The following IL16 variants were observed in gnomAD, a reference collection of about 807,000 sequenced individuals.
The protein encoded by IL16 is pro-interleukin-16.
A neutral mutation model predicts 110.1 loss-of-function variants in IL16; 67 were observed. The ratio of observed to expected loss-of-function variants is 0.61; its 90% confidence interval spans 0.50 to 0.75. The LOEUF (loss-of-function observed/expected upper bound fraction) is 0.75. Ranked by LOEUF, IL16 falls within the 30% of genes least tolerant of loss-of-function variation. IL16 has a pLI of 0.00. For synonymous variants in IL16, 689 were observed against 662.9 expected (o/e 1.04, Z -0.61); for missense variants, 1,545 against 1,655.0 (o/e 0.93, Z 1.15).
At chr15:81,274,613 C>T (rs1030730173) in intron 6 of IL16, among the ~76,000 whole-genome samples, 1 of 152,202 alleles carries the variant, frequency 6.6e-6, no homozygotes, top group Non-Finnish European at 1.5e-5. Context: ...GTATTTATAT[C>T]TGAGTTGCTT....
upstream of IL16, among the ~76,000 whole-genome samples, chr15:81,194,394 T>A (rs184717503): frequency 5.4e-3 from 816 of 152,104 alleles, 10 homozygotes; most frequent in African/African-American, 0.019. Flanking sequence ...CTTTTATAAC[T>A]AAAATTTTGA....
intron 2 of IL16, among the ~76,000 whole-genome samples, chr15:81,243,495 A>G (rs1454771969): frequency 6.6e-6 from 1 of 151,890 alleles, no homozygotes; most frequent in African/African-American, 2.4e-5. Flanking sequence ...ATGCATCTAT[A>G]TTTATGAAGA....
intron 1 of IL16, among the ~76,000 whole-genome samples, chr15:81,206,430 G>C: frequency 6.6e-6 from 1 of 152,186 alleles, no homozygotes; most frequent in Non-Finnish European, 1.5e-5. Flanking sequence ...TATCATATAA[G>C]CAGTTCTTTG....
chr15:81,263,346 A>ATTTTTTTTGTTTTTTTTTTTT (rs1567024238), intron 3 of IL16, among the ~76,000 whole-genome samples: 1 of 109,792 alleles, frequency 9.1e-6, no homozygotes, highest in Non-Finnish European at 1.8e-5. Flanking sequence ...TTCAAAAACT[A>ATTTTTTTTGTTTTTTTTTTTT]TTTTTTTTTG....
At chr15:81,195,210 A>G (rs145418007), upstream of IL16, among the ~76,000 whole-genome samples, 994 of 152,314 alleles carry the variant, frequency 6.5e-3, 5 homozygotes, top group Non-Finnish European at 0.011. Flanking sequence ...TCAGGTGCCG[A>G]TGACAAGAGA....
rs765187591 is a variant in IL16, at chr15:81,292,696, C to T, written c.1561C>T (p.Pro521Ser). The change falls in exon 12 of 19, where the codon CCA (proline) becomes TCA (serine). Residue 521 changes from proline (P) to serine (S), a missense_variant. Transcript: ENST00000683961. ...SSDSSYMSGS[P>S]GGSPGSGSAE... is the part of the protein sequence containing the mutation. ...TGACAGCAGCTACATGTCTGGGTCC[C>T]CAGGGGGAAGTCCTGGGAGTGGCAG... The T allele has an allele frequency of 3.1e-6, 5 of 1,614,140 alleles. No individual in the cohort carries two copies. The Admixed American group carries it at 8.3e-5, about 27-fold the overall frequency.
At chr15:81,265,905 T>A in intron 4 of IL16, 104 bp downstream of exon 4, 2 of 1,058,898 alleles carry the variant, frequency 1.9e-6, no homozygotes, top group South Asian at 1.6e-5. Context: ...AGTTTTTTTG[T>A]CCGCAGAACT....
chr15:81,270,592 T>G (rs1039628267), intron 5 of IL16, among the ~76,000 whole-genome samples: 1 of 152,218 alleles, frequency 6.6e-6, no homozygotes, highest in Non-Finnish European at 1.5e-5. Context: ...TCTTCTATGC[T>G]GACTTTCTCT....
chr15:81,273,263 T>G (rs1898730743), intron 6 of IL16, 59 bp downstream of exon 6: 1 of 1,257,314 alleles, frequency 8.0e-7, no homozygotes, highest in East Asian at 2.4e-5. Context: ...AATCCAGAAT[T>G]GCTGGGGCCA....
chr15:81,234,863 A>G (rs1897129343), intron 2 of IL16, among the ~76,000 whole-genome samples: 1 of 152,248 alleles, frequency 6.6e-6, no homozygotes, highest in African/African-American at 2.4e-5. Context: ...TACCTTGACA[A>G]ATATACCTTG....
chr15:81,247,644 A>G (rs901221568), intron 2 of IL16, among the ~76,000 whole-genome samples: 1 of 152,020 alleles, frequency 6.6e-6, no homozygotes, highest in East Asian at 1.9e-4. Context: ...TGACATTGCT[A>G]TGGTGTGTGT....
At chr15:81,273,741 TC>T (rs1454178064) in intron 6 of IL16, among the ~76,000 whole-genome samples, 1 of 152,118 alleles carries the variant, frequency 6.6e-6, no homozygotes, top group Non-Finnish European at 1.5e-5. Flanking sequence ...CAGGCATGAT[TC>T]CTGAAGAGCT....
chr15:81,265,881 G>A, intron 4 of IL16, 80 bp downstream of exon 4: 6 of 1,378,310 alleles, frequency 4.4e-6, no homozygotes, highest in Non-Finnish European at 5.9e-6. Flanking sequence ...AGTGGCTGAA[G>A]AGGCCTTCCC....
intron 2 of IL16, among the ~76,000 whole-genome samples, chr15:81,235,792 G>A (rs377260881): frequency 6.6e-6 from 1 of 152,138 alleles, no homozygotes; most frequent in Non-Finnish European, 1.5e-5. Flanking sequence ...ACCCATAAAA[G>A]GGTATAATGA....
At chr15:81,224,844 G>A (rs1896734735) in intron 1 of IL16, among the ~76,000 whole-genome samples, 1 of 152,116 alleles carries the variant, frequency 6.6e-6, no homozygotes, top group Admixed American at 6.5e-5. Context: ...CCAGGAAAGT[G>A]GAACTTAGTT....
upstream of IL16, among the ~76,000 whole-genome samples, chr15:81,194,690 C>T (rs1158027244): frequency 9.9e-5 from 15 of 152,060 alleles, no homozygotes; most frequent in South Asian, 2.1e-4. Flanking sequence ...TTCTCAGTTC[C>T]GTGGGCTGGA....
chr15:81,188,269 G>A (rs1266861991), intron 1 of IL16: 7 of 454,016 alleles, frequency 1.5e-5, no homozygotes, highest in Non-Finnish European at 2.7e-5. Context: ...GAATCGCTAT[G>A]TTGTTATGAG....
intron 1 of IL16, among the ~76,000 whole-genome samples, chr15:81,201,155 CTGTG>C (rs142114710): frequency 6.6e-6 from 1 of 150,612 alleles, no homozygotes; most frequent in South Asian, 2.1e-4. Context: ...GTGTGTGTCT[CTGTG>C]TGTGTGTGTG....
chr15:81,280,694 C>G (rs1899133422), intron 8 of IL16, among the ~76,000 whole-genome samples: 1 of 152,200 alleles, frequency 6.6e-6, no homozygotes, highest in Non-Finnish European at 1.5e-5. Flanking sequence ...TCCTTGCATA[C>G]AGCTTTGCCT....
Sources: gnomAD v4.1 joint callset for allele counts (sites outside exome capture counted in the v4.1 genomes callset) on GRCh38, gnomAD v4.1.1 for gene constraint, MANE v1.5 for transcripts, NCBI Gene and HGNC (gene_info 2026-07-23, HGNC 2026-07-21) for gene names.